ITPR2: variants seen among roughly 807,000 people sequenced by gnomAD.
ITPR2 encodes inositol 1,4,5-trisphosphate receptor type 2.
A neutral mutation model predicts 317.1 loss-of-function variants in ITPR2; 207 were observed. That is an observed-to-expected ratio of 0.65 (90% CI 0.58 to 0.73). The LOEUF (loss-of-function observed/expected upper bound fraction) is 0.73. Ranked by LOEUF, ITPR2 falls within the 30% of genes least tolerant of loss-of-function variation. The pLI, the probability that ITPR2 is intolerant of heterozygous loss-of-function variation, is 0.00. For missense variants in ITPR2, 2,613 were observed against 3,284.0 expected (o/e 0.80, Z 4.99); for synonymous variants, 1,156 against 1,149.1 (o/e 1.01, Z -0.12).
At chr12:26,473,827 A>G (rs1942350503) in intron 45 of ITPR2, among the ~76,000 whole-genome samples, 1 of 152,044 alleles carries the variant, frequency 6.6e-6, no homozygotes, top group Admixed American at 6.6e-5. Flanking sequence ...CCTTTTCCAC[A>G]TCCTAAATCT....
chr12:26,631,791 G>T, intron 22 of ITPR2, 75 bp downstream of exon 22: 3 of 1,304,674 alleles, frequency 2.3e-6, no homozygotes, highest in South Asian at 1.3e-5. Flanking sequence ...CAGTGATTTG[G>T]AACAAAAAGG....
chr12:26,530,294 T>A (rs1213172799), intron 37 of ITPR2, among the ~76,000 whole-genome samples: 1 of 152,180 alleles, frequency 6.6e-6, no homozygotes, highest in Non-Finnish European at 1.5e-5. Flanking sequence ...TTCTGGAATT[T>A]TCTACACCTG....
intron 4 of ITPR2, among the ~76,000 whole-genome samples, chr12:26,723,187 T>C (rs1266453710): frequency 1.3e-5 from 2 of 152,100 alleles, no homozygotes; most frequent in Non-Finnish European, 2.9e-5. Context: ...CAAAACAAAA[T>C]AACCTTTCCA....
chr12:26,528,000 T>C (rs1010914547), intron 37 of ITPR2, among the ~76,000 whole-genome samples: 3 of 152,142 alleles, frequency 2.0e-5, no homozygotes, highest in East Asian at 3.9e-4. Flanking sequence ...GAATAACAGA[T>C]GTTAGCAAAG....
At chr12:26,360,012 A>G (rs1204779285) in intron 55 of ITPR2, among the ~76,000 whole-genome samples, 1 of 152,134 alleles carries the variant, frequency 6.6e-6, no homozygotes, top group Non-Finnish European at 1.5e-5. Context: ...CTCGCAATCT[A>G]CTGATTGAAA....
At chr12:26,692,696 C>T (rs1262766416) in intron 10 of ITPR2, among the ~76,000 whole-genome samples, 1 of 152,146 alleles carries the variant, frequency 6.6e-6, no homozygotes, top group East Asian at 1.9e-4. Context: ...TTAATGGGAG[C>T]TCTGACACAC....
chr12:26,416,505 A>T (rs1000850408), intron 50 of ITPR2, among the ~76,000 whole-genome samples: 4 of 152,142 alleles, frequency 2.6e-5, no homozygotes, highest in Non-Finnish European at 5.9e-5. Flanking sequence ...TGTGTCATAT[A>T]CCCTTTCAGG....
intron 55 of ITPR2, among the ~76,000 whole-genome samples, chr12:26,384,469 T>A (rs1224901920): frequency 6.6e-6 from 1 of 152,224 alleles, no homozygotes; most frequent in Non-Finnish European, 1.5e-5. Flanking sequence ...AAACGTTTCA[T>A]GTTGGAATAA....
chr12:26,525,607 T>C (rs768582901), intron 37 of ITPR2, among the ~76,000 whole-genome samples: 20 of 152,228 alleles, frequency 1.3e-4, no homozygotes, highest in Non-Finnish European at 2.5e-4. Context: ...CAAATTCATA[T>C]ATCAGTACTA....
chr12:26,435,495 T>C (rs573092532), intron 48 of ITPR2, among the ~76,000 whole-genome samples: 3 of 152,276 alleles, frequency 2.0e-5, no homozygotes, highest in South Asian at 4.1e-4. Context: ...TCCAAAGTTA[T>C]TTACCAGATT....
intron 55 of ITPR2, among the ~76,000 whole-genome samples, chr12:26,365,463 T>C (rs1324723316): frequency 6.6e-6 from 1 of 152,172 alleles, no homozygotes; most frequent in Non-Finnish European, 1.5e-5. Context: ...TCAGAAGTAA[T>C]AGATCAGAAT....
intron 1 of ITPR2, among the ~76,000 whole-genome samples, chr12:26,790,781 G>A (rs988871396): frequency 6.6e-6 from 1 of 152,182 alleles, no homozygotes; most frequent in Non-Finnish European, 1.5e-5. Context: ...TGCCCATAGA[G>A]TAGGTGGTTA....
chr12:26,692,790 A>G (rs1948264786), intron 10 of ITPR2, among the ~76,000 whole-genome samples: 1 of 152,068 alleles, frequency 6.6e-6, no homozygotes, highest in Non-Finnish European at 1.5e-5. Flanking sequence ...TTTCTAAATT[A>G]CAAAAAAAAA....
intron 2 of ITPR2, among the ~76,000 whole-genome samples, chr12:26,746,266 G>C (rs1290650799): frequency 6.6e-6 from 1 of 151,602 alleles, no homozygotes; most frequent in Non-Finnish European, 1.5e-5. Flanking sequence ...CTTCTTAGAC[G>C]AAGACCTAAT....
intron 48 of ITPR2, among the ~76,000 whole-genome samples, chr12:26,428,835 T>G (rs1177181935): frequency 6.6e-6 from 1 of 152,224 alleles, no homozygotes; most frequent in African/African-American, 2.4e-5. Flanking sequence ...AAGGAATCTT[T>G]CCCTGAAGGT....
intron 1 of ITPR2, among the ~76,000 whole-genome samples, chr12:26,802,632 T>C (rs999729160): frequency 7.4e-5 from 7 of 95,146 alleles, no homozygotes; most frequent in Non-Finnish European, 1.5e-4. Context: ...TAGATATAGA[T>C]ATACAGATAG....
chr12:26,509,927 A>G (rs1943287037), intron 37 of ITPR2, among the ~76,000 whole-genome samples: 1 of 134,340 alleles, frequency 7.4e-6, no homozygotes, highest in African/African-American at 2.8e-5. Flanking sequence ...AAGATCCCAG[A>G]ATTTATTTTG....
intron 13 of ITPR2, among the ~76,000 whole-genome samples, chr12:26,671,479 C>T (rs1947770019): frequency 6.6e-6 from 1 of 152,056 alleles, no homozygotes. Context: ...AAATAAAATA[C>T]TTTACAGACA....
At chr12:26,456,912 T>A (rs561286289) in intron 45 of ITPR2, among the ~76,000 whole-genome samples, 2 of 152,294 alleles carry the variant, frequency 1.3e-5, no homozygotes, top group African/African-American at 2.4e-5. Context: ...GACATCATGA[T>A]CTGCCTGCCT....
Sources: allele counts gnomAD v4.1 joint callset (sites outside exome capture counted in the v4.1 genomes callset), GRCh38; gene constraint gnomAD v4.1.1; transcripts MANE v1.5; gene names NCBI Gene and HGNC (gene_info 2026-07-23, HGNC 2026-07-21).